Variants in CSMD1 observed in about 807,000 individuals in gnomAD.
The protein encoded by CSMD1 is CUB and sushi domain-containing protein 1.
CSMD1 carries 213 observed loss-of-function variants against 417.5 expected under a neutral mutation model. The observed-to-expected ratio is 0.51, with a 90% CI of 0.46 to 0.57. CSMD1 has a LOEUF of 0.57. CSMD1 is among the 20% of genes least tolerant of loss of function. CSMD1 has a pLI of 0.00. For missense variants in CSMD1, 6,923 were observed against 4,529.7 expected, an observed-to-expected ratio of 1.53 and a Z score of -15.17; for synonymous variants, 2,862 against 1,736.8, an observed-to-expected ratio of 1.65 and a Z score of -16.11.
chr8:4,435,719 C>G (rs2129636154), intron 2 of CSMD1, among the ~76,000 whole-genome samples: 1 of 152,232 alleles, frequency 6.6e-6, no homozygotes, highest in East Asian at 1.9e-4. Context: ...GGGGCTGTGG[C>G]TGCCTTGAGA....
At chr8:2,988,481 T>G (rs896227345) in intron 54 of CSMD1, among the ~76,000 whole-genome samples, 2 of 152,180 alleles carry the variant, frequency 1.3e-5, no homozygotes, top group African/African-American at 4.8e-5. Flanking sequence ...CTCACTGAAC[T>G]GGCTCAACTC....
chr8:4,060,559 G>C (rs1368877306), intron 3 of CSMD1, among the ~76,000 whole-genome samples: 1 of 152,186 alleles, frequency 6.6e-6, no homozygotes, highest in East Asian at 1.9e-4. Flanking sequence ...ATGGTTAACA[G>C]TGCGAATGAG....
At chr8:4,203,002 C>T (rs909624864) in intron 3 of CSMD1, among the ~76,000 whole-genome samples, 2 of 151,664 alleles carry the variant, frequency 1.3e-5, no homozygotes, top group Non-Finnish European at 2.9e-5. Flanking sequence ...ATCGTAATTC[C>T]CAGAACCTGT....
rs56325228 is a variant in CSMD1, at chr8:4,448,107, T to C, written c.303-28042A>G. ...AATTCTGTTCCCTTCTCTATGTTCTTGATCTCTTCCTAGTTCTCACTTTTA... is the reference window on the plus strand; with the variant it reads ...AATTCTGTTCCCTTCTCTATGTTCTCGATCTCTTCCTAGTTCTCACTTTTA... On this transcript the variant is annotated intron_variant, in intron 2 of 69. Coordinates refer to ENST00000635120, the MANE Select transcript of CSMD1 (RefSeq NM_033225.6). Among the ~76,000 whole-genome samples, 1,521 of 152,364 alleles carry C rather than the reference T, an allele frequency of 1.0e-2. 19 individuals carry two copies. The highest frequency in any genetic ancestry group is 0.025 in the African/African-American group (1,035 of 41,592).
chr8:3,443,713 A>C (rs186685080), intron 12 of CSMD1, among the ~76,000 whole-genome samples: 49 of 152,344 alleles, frequency 3.2e-4, no homozygotes, highest in African/African-American at 9.6e-4. Flanking sequence ...ATGTTTAAAG[A>C]AGTAAATCTA....
At chr8:4,232,515 T>G (rs1563311608) in intron 3 of CSMD1, among the ~76,000 whole-genome samples, 1 of 152,132 alleles carries the variant, frequency 6.6e-6, no homozygotes, top group Non-Finnish European at 1.5e-5. Flanking sequence ...GTCCTTTAAA[T>G]TACACACTAC....
intron 3 of CSMD1, among the ~76,000 whole-genome samples, chr8:4,227,087 T>C (rs1241967053): frequency 3.9e-5 from 6 of 152,208 alleles, no homozygotes; most frequent in Non-Finnish European, 7.3e-5. Context: ...AAATGACGCA[T>C]GCCTGAGGTC....
At chr8:4,436,973 T>A (rs10088101) in intron 2 of CSMD1, among the ~76,000 whole-genome samples, 2 of 152,124 alleles carry the variant, frequency 1.3e-5, no homozygotes, top group Non-Finnish European at 2.9e-5. Flanking sequence ...GTGCTGCAAT[T>A]TGAATTTCTT....
intron 5 of CSMD1, among the ~76,000 whole-genome samples, chr8:3,997,302 G>A (rs535500405): frequency 1.1e-4 from 16 of 152,176 alleles, no homozygotes; most frequent in African/African-American, 3.4e-4. Context: ...TAAATAGGCG[G>A]TACTTCATTA....
In CSMD1 at chr8:3,387,566, T is replaced by G; in HGVS notation, c.2710A>C (p.Thr904Pro). Residue 904 changes from threonine (T) to proline (P), a missense_variant, in exon 18 of 70, where the codon ACA (threonine) becomes CCA (proline). Transcript: ENST00000635120. The part of the protein sequence containing the change: ...TVTFSCDPGY[T>P]LSDDEPLVCE... ...ACGAGGGGCTCGTCGTCACTTAGTGTGTACCCCGGGTCACAGCTGAAAGTC... is the reference window on the plus strand; with the variant it reads ...ACGAGGGGCTCGTCGTCACTTAGTGGGTACCCCGGGTCACAGCTGAAAGTC... The G allele has an allele frequency of 1.2e-6, 2 of 1,601,808 alleles. No individual in the cohort carries two copies. The highest frequency in any genetic ancestry group is 1.7e-6 in the Non-Finnish European group (2 of 1,174,164).
intron 3 of CSMD1, among the ~76,000 whole-genome samples, chr8:4,412,419 C>A (rs1246665144): frequency 2.6e-5 from 4 of 152,196 alleles, no homozygotes; most frequent in African/African-American, 9.7e-5. Context: ...CCTTTGCCTT[C>A]TACCATGATT....
chr8:4,443,599 A>G (rs181224799), intron 2 of CSMD1, among the ~76,000 whole-genome samples: 151 of 152,290 alleles, frequency 9.9e-4, no homozygotes, highest in South Asian at 2.9e-3. Flanking sequence ...CTTAAAATAT[A>G]AAGAAAACTT....
At chr8:3,550,164 C>G (rs942487866) in intron 10 of CSMD1, among the ~76,000 whole-genome samples, 1 of 152,184 alleles carries the variant, frequency 6.6e-6, no homozygotes, top group East Asian at 1.9e-4. Flanking sequence ...AGGAGCCATG[C>G]TTCACCTTTT....
intron 26 of CSMD1, among the ~76,000 whole-genome samples, chr8:3,277,687 G>A (rs536272234): frequency 1.3e-5 from 2 of 152,278 alleles, no homozygotes; most frequent in South Asian, 4.1e-4. Context: ...GTGTTGAGTT[G>A]CCTCTCTGCA....
chr8:3,315,240 ACT>A (rs1162997293), intron 23 of CSMD1, among the ~76,000 whole-genome samples: 4 of 152,142 alleles, frequency 2.6e-5, no homozygotes, highest in African/African-American at 9.7e-5. Context: ...CTTTTTATTA[ACT>A]CTATTTGGAT....
At chr8:3,997,009 C>A (rs1229416152) in intron 5 of CSMD1, among the ~76,000 whole-genome samples, 1 of 152,178 alleles carries the variant, frequency 6.6e-6, no homozygotes, top group Non-Finnish European at 1.5e-5. Flanking sequence ...CCATATTCCC[C>A]TCTTCCTACT....
At chr8:3,259,459 A>G (rs905589211) in intron 26 of CSMD1, among the ~76,000 whole-genome samples, 2 of 152,208 alleles carry the variant, frequency 1.3e-5, no homozygotes, top group South Asian at 2.1e-4. Context: ...CCCAGGATGC[A>G]TATCATTCTT....
At chr8:3,296,554 C>T (rs1382171207) in intron 25 of CSMD1, among the ~76,000 whole-genome samples, 1 of 152,194 alleles carries the variant, frequency 6.6e-6, no homozygotes, top group Non-Finnish European at 1.5e-5. Context: ...CTTGCTTGCT[C>T]TGTTGACAAC....
chr8:3,962,512 T>C lies in CSMD1; in HGVS notation c.818+35391A>G, dbSNP rs565508144. ...GACAGCCAGCATGCAGGAACCCCTA[T>C]ATTAACGTAATAGGCTAATCGCAGG... is the stretch of plus-strand genomic sequence containing the variant. On this transcript the variant is annotated intron_variant, in intron 5 of 69. Transcript: ENST00000635120. Among the ~76,000 whole-genome samples the C allele has an allele frequency of 9.2e-5, 14 of 152,298 alleles. No individual in the cohort carries two copies. In the South Asian group the frequency reaches 1.7e-3, roughly 18 times the overall value.
Sources: gnomAD v4.1 joint callset for allele counts (sites outside exome capture counted in the v4.1 genomes callset) on GRCh38, gnomAD v4.1.1 for gene constraint, MANE v1.5 for transcripts, NCBI Gene and HGNC (gene_info 2026-07-23, HGNC 2026-07-21) for gene names.